NUP155: variants seen among roughly 807,000 people sequenced by gnomAD.
NUP155 encodes the protein nucleoporin 155.
A neutral mutation model predicts 180.4 loss-of-function variants in NUP155; 71 were observed. The observed-to-expected ratio is 0.39, with a 90% CI of 0.33 to 0.48. NUP155 has a LOEUF of 0.48. NUP155 is among the 20% of genes least tolerant of loss of function. The probability of loss-of-function intolerance (pLI) is 0.91; values close to 1 mark genes in which losing one functional copy is unlikely to be tolerated. For synonymous variants in NUP155, 582 were observed against 559.5 expected (o/e 1.04, Z -0.57); for missense variants, 1,553 against 1,648.9 (o/e 0.94, Z 1.01).
intron 18 of NUP155, 115 bp downstream of exon 18, chr5:37,327,514 G>T (rs1018443654): frequency 1.7e-6 from 2 of 1,172,700 alleles, no homozygotes; most frequent in East Asian, 4.9e-5. Flanking sequence ...CAACAAGTGA[G>T]CTAAAACTAA....
intron 4 of NUP155, among the ~76,000 whole-genome samples, chr5:37,354,855 G>A (rs767316358): frequency 8.7e-4 from 132 of 152,174 alleles, no homozygotes; most frequent in Non-Finnish European, 1.6e-3. Flanking sequence ...ACTTTGAGAG[G>A]CAGAGACGGG....
At chr5:37,307,135 T>C (rs933479995) in intron 25 of NUP155, among the ~76,000 whole-genome samples, 162 bp downstream of exon 25, 5 of 150,444 alleles carry the variant, frequency 3.3e-5, no homozygotes, top group Non-Finnish European at 1.5e-5. Context: ...GAGGCAGAGA[T>C]TGCAGTGAGC....
Position 37,305,257 on chromosome 5 carries a change from C to T in NUP155, c.2904-47G>A, listed in dbSNP as rs772349056. ...ACAATTACATTATTTAACTAGAAAG[C>T]AAATGATGGTAAGTGTGGTGACTCA... On this transcript the variant is annotated intron_variant, in intron 25 of 34. Coordinates refer to ENST00000231498, the MANE Select transcript of NUP155 (RefSeq NM_153485.3). 5 of 1,531,892 alleles carry T rather than the reference C, an allele frequency of 3.3e-6. No homozygotes were observed. The East Asian group carries it at 1.1e-4, about 34-fold the overall frequency. The allele number at this position is 1,531,892 out of a possible 1,614,324, so 94.9% of individuals were successfully genotyped here.
chr5:37,319,161 G>A (rs775595188), intron 20 of NUP155, among the ~76,000 whole-genome samples: 6 of 152,208 alleles, frequency 3.9e-5, no homozygotes, highest in Admixed American at 1.3e-4. Flanking sequence ...CAGAGATAGA[G>A]CAGATCAGTA....
intron 3 of NUP155, among the ~76,000 whole-genome samples, chr5:37,361,092 A>G (rs1468604402): frequency 1.3e-5 from 2 of 151,890 alleles, no homozygotes; most frequent in African/African-American, 4.8e-5. Context: ...AATATAGTGA[A>G]ACCCCATCTC....
chr5:37,329,330 T>G, intron 15 of NUP155, 52 bp from the exon 16 acceptor site: 1 of 1,422,010 alleles, frequency 7.0e-7, no homozygotes, highest in Non-Finnish European at 9.9e-7. Flanking sequence ...ACCATCCATC[T>G]TAAAAACTGG....
chr5:37,302,026 G>C (rs936647134), intron 29 of NUP155, among the ~76,000 whole-genome samples: 2 of 152,186 alleles, frequency 1.3e-5, no homozygotes, highest in African/African-American at 4.8e-5. Flanking sequence ...ACGGAGGAAA[G>C]CCAGCTGCCA....
At chr5:37,294,578 C>A in intron 32 of NUP155, 113 bp from the exon 33 acceptor site, 4 of 1,089,042 alleles carry the variant, frequency 3.7e-6, no homozygotes, top group Non-Finnish European at 5.4e-6. Context: ...AATCCAATTG[C>A]AATTTTTTGG....
chr5:37,322,834 A>G (rs1417486757), intron 20 of NUP155, among the ~76,000 whole-genome samples: 1 of 138,662 alleles, frequency 7.2e-6, no homozygotes, highest in Non-Finnish European at 1.6e-5. Flanking sequence ...TTAGCTGGGC[A>G]TGGTGGCAGG....
At chr5:37,328,474 G>C in intron 16 of NUP155, 54 bp from the exon 17 acceptor site, 1 of 1,291,678 alleles carries the variant, frequency 7.7e-7, no homozygotes, top group Non-Finnish European at 1.1e-6. Context: ...TCAATCTTTT[G>C]AATGTGATCA....
Position 37,299,530 on chromosome 5 carries a change from C to T in NUP155, c.3600G>A (p.Glu1200=). Residue 1200 remains glutamate (E), a synonymous_variant, in exon 31 of 35, where the codon GAG becomes GAA. Transcript: ENST00000231498. ...GEFADPFKLA[E]CKLAIIHCAG... The stretch of plus-strand genomic sequence containing the variant: ...CACAATGAATTATTGCAAGTTTGCA[C>T]TCTGCAAGTTTAAATGGGTCAGCAA... 1 of 1,614,018 alleles carries T rather than the reference C, an allele frequency of 6.2e-7. No homozygotes were observed. Among genetic ancestry groups the T allele is most frequent in the Non-Finnish European group, 8.5e-7 (1 of 1,179,916 alleles).
At chr5:37,337,768 T>C (rs1046405603) in intron 12 of NUP155, 50 bp downstream of exon 12, 1 of 1,118,918 alleles carries the variant, frequency 8.9e-7, no homozygotes, top group Middle Eastern at 2.0e-4. Context: ...CATATTATCC[T>C]TCACTTAAAA....
At position 37,290,023 on chromosome 5, in the gene NUP155, G is replaced by A. The variant is rs1018252010; in HGVS notation, c.*1877C>T. On this transcript the variant is annotated 3_prime_UTR_variant, in exon 35 of 35. Transcript: ENST00000231498. The stretch of plus-strand genomic sequence containing the variant: ...CTACATTAGAAGATTATAGGGAAAA[G>A]GGAGCTGAATTCTAAGAGAACAAAT... 6 of 152,168 alleles carry A rather than the reference G, an allele frequency of 3.9e-5. No homozygotes were observed. Among genetic ancestry groups the A allele is most frequent in the Non-Finnish European group, 8.8e-5 (6 of 68,040 alleles). The allele number at this position is 152,168 out of a possible 1,614,324, so 9.4% of individuals were successfully genotyped here.
chr5:37,364,162 C>T (rs1747396904), intron 2 of NUP155, 85 bp downstream of exon 2: 1 of 1,216,974 alleles, frequency 8.2e-7, no homozygotes, highest in African/African-American at 1.5e-5. Context: ...ATATATAACA[C>T]ATTAATTAAA....
intron 8 of NUP155, 88 bp downstream of exon 8, chr5:37,349,084 C>G: frequency 2.8e-6 from 1 of 360,806 alleles, no homozygotes; most frequent in Non-Finnish European, 5.1e-6. Flanking sequence ...TTACACAGTT[C>G]ATAGGAAAAA....
chr5:37,324,198 T>C (rs1052476559), intron 19 of NUP155, 91 bp from the exon 20 acceptor site: 3 of 788,292 alleles, frequency 3.8e-6, no homozygotes, highest in Middle Eastern at 5.5e-4. Context: ...TGAGTATCTC[T>C]ATAGTTATTT....
chr5:37,305,046 A>G lies in NUP155; in HGVS notation c.3057+11T>C, dbSNP rs1268030098. ...TGTATTCTCAGAATGAAAATATACTATGTCCCTTACATGATGTCCTGCTTC... is the reference window on the plus strand; with the variant it reads ...TGTATTCTCAGAATGAAAATATACTGTGTCCCTTACATGATGTCCTGCTTC... On this transcript the variant is annotated intron_variant, in intron 26 of 34. Coordinates refer to ENST00000231498, the MANE Select transcript of NUP155 (RefSeq NM_153485.3). 1.9e-6 allele frequency: 3 copies of G among 1,612,810 alleles called. No homozygotes were observed. Among genetic ancestry groups the G allele is most frequent in the Non-Finnish European group, 2.5e-6 (3 of 1,179,736 alleles).
Position 37,301,636 on chromosome 5 carries a change from T to A in NUP155, c.3448-86A>T. 3 of 825,258 alleles carry A rather than the reference T, an allele frequency of 3.6e-6. No individual in the cohort carries two copies. The South Asian group carries it at 4.1e-5, about 11-fold the overall frequency. The allele number at this position is 825,258 out of a possible 1,614,324, so 51.1% of individuals were successfully genotyped here. On this transcript the variant is annotated intron_variant, in intron 29 of 34. Transcript: ENST00000231498. ...AAGAACGGATCCTACTATCTGACTTTAAGTTTGCTAAAATAATGTATAAAT... is the reference window on the plus strand; with the variant it reads ...AAGAACGGATCCTACTATCTGACTTAAAGTTTGCTAAAATAATGTATAAAT...
At chr5:37,347,233 G>A (rs551409874) in intron 9 of NUP155, among the ~76,000 whole-genome samples, 1 of 151,620 alleles carries the variant, frequency 6.6e-6, no homozygotes, top group Admixed American at 6.6e-5. Flanking sequence ...ATCTCAAAAA[G>A]AAGCAAACAA....
Sources: gnomAD v4.1 joint callset for allele counts (sites outside exome capture counted in the v4.1 genomes callset) on GRCh38, gnomAD v4.1.1 for gene constraint, MANE v1.5 for transcripts, NCBI Gene and HGNC (gene_info 2026-07-23, HGNC 2026-07-21) for gene names.